The following VWA8 variants were observed in gnomAD, a reference collection of about 807,000 sequenced individuals.
VWA8 encodes the protein von Willebrand factor A domain-containing protein 8.
VWA8 carries 221 observed loss-of-function variants against 241.5 expected under a neutral mutation model. That is an observed-to-expected ratio of 0.91 (90% CI 0.82 to 1.02). The LOEUF (loss-of-function observed/expected upper bound fraction) is 1.02. Ranked by LOEUF, VWA8 falls within the 50% of genes least tolerant of loss-of-function variation. The probability of loss-of-function intolerance (pLI) is 0.00; values close to 1 mark genes in which losing one functional copy is unlikely to be tolerated. For synonymous variants in VWA8, 852 were observed against 827.1 expected, an observed-to-expected ratio of 1.03 and a Z score of -0.52; for missense variants, 2,322 against 2,328.7, an observed-to-expected ratio of 1.00 and a Z score of 0.06.
At position 41,868,503 on chromosome 13, in the gene VWA8, A is replaced by G. The variant is rs376871087; in HGVS notation, c.1081-26T>C. 8.7e-6 allele frequency: 14 copies of G among 1,602,176 alleles called. No individual in the cohort carries two copies. The African/African-American group carries it at 1.9e-4, about 22-fold the overall frequency. ...CTGTAAAATTACAAGAAAATCATGCAATTTACTTTTCATTTTAGCATTAAC... is the reference window on the plus strand; with the variant it reads ...CTGTAAAATTACAAGAAAATCATGCGATTTACTTTTCATTTTAGCATTAAC... On this transcript the variant is annotated intron_variant, in intron 9 of 44. Transcript: ENST00000379310.
intron 36 of VWA8, among the ~76,000 whole-genome samples, chr13:41,673,770 A>G (rs2045041493): frequency 6.6e-6 from 1 of 152,186 alleles, no homozygotes; most frequent in Non-Finnish European, 1.5e-5. Context: ...TTTCCATTGG[A>G]CAGTGCAGCC....
At chr13:41,756,323 T>TAC (rs998623419) in intron 21 of VWA8, among the ~76,000 whole-genome samples, 1 of 151,798 alleles carries the variant, frequency 6.6e-6, no homozygotes, top group Non-Finnish European at 1.5e-5. Context: ...ATACTTGTTA[T>TAC]ATTTCATTGT....
rs1202010768 is a variant in VWA8 at position 41,863,414 on chromosome 13, T to A, written c.1425+2322A>T. On this transcript the variant is annotated intron_variant, in intron 12 of 44. Coordinates refer to ENST00000379310, the MANE Select transcript of VWA8 (RefSeq NM_015058.2). ...TCCTATTTGTGTGTGTGTGTGTGTG[T>A]GTGTGTGTGTGTGTGTGTGTATATA... Among the ~76,000 whole-genome samples the A allele has an allele frequency of 3.0e-4, 23 of 77,088 alleles. 2 individuals are homozygous for A. Among genetic ancestry groups the A allele is most frequent in the African/African-American group, 8.9e-4 (17 of 19,020 alleles). The allele number at this position is 77,088 out of a possible 152,430, so 50.6% of individuals were successfully genotyped here.
chr13:41,689,389 A>C lies in VWA8; in HGVS notation c.4096T>G (p.Tyr1366Asp), dbSNP rs781111359. The C allele has an allele frequency of 1.1e-5, 17 of 1,611,548 alleles. No individual in the cohort carries two copies. Among genetic ancestry groups the C allele is most frequent in the Non-Finnish European group, 6.8e-6 (8 of 1,178,944 alleles). The change falls in exon 34 of 45, where the codon TAT (tyrosine) becomes GAT (aspartate). Residue 1366 changes from tyrosine (Y) to aspartate (D), a missense_variant. Tyr to Asp is a radical substitution (Grantham distance 160, BLOSUM62 -3). Coordinates refer to ENST00000379310, the MANE Select transcript of VWA8 (RefSeq NM_015058.2). ...GGAAAACCAACAACTATTGTAGCAT[A>C]ATTTTTCTCATCTGAGAGAATTCTG... The part of the protein sequence containing the change: ...PNRILSDEKN[Y>D]ATIVVGFPDL...
intron 5 of VWA8, 74 bp from the exon 6 acceptor site, chr13:41,887,435 G>C: frequency 4.8e-6 from 7 of 1,448,518 alleles, no homozygotes; most frequent in Non-Finnish European, 6.5e-6. Context: ...CCAAGTCCAG[G>C]GACTTAGGAC....
chr13:41,671,541 C>A (rs146887389), intron 36 of VWA8, among the ~76,000 whole-genome samples: 1 of 151,966 alleles, frequency 6.6e-6, no homozygotes, highest in Non-Finnish European at 1.5e-5. Context: ...TGCTTGTATC[C>A]GCATCCCCCC....
chr13:41,704,984 CAT>C (rs1440637266), intron 26 of VWA8, among the ~76,000 whole-genome samples: 1 of 152,132 alleles, frequency 6.6e-6, no homozygotes, highest in Non-Finnish European at 1.5e-5. Flanking sequence ...AGTAGTCTGA[CAT>C]AATATTTCCA....
intron 18 of VWA8, 100 bp from the exon 19 acceptor site, chr13:41,784,001 G>T: frequency 1.3e-6 from 1 of 788,970 alleles, no homozygotes; most frequent in Non-Finnish European, 2.1e-6. Context: ...TAATATCTGT[G>T]GATTTTAATT....
At chr13:41,575,987 A>T in intron 42 of VWA8, 149 bp from the exon 43 acceptor site, 1 of 587,586 alleles carries the variant, frequency 1.7e-6, no homozygotes, top group Non-Finnish European at 3.0e-6. Flanking sequence ...AGTGTGTTTA[A>T]TTCTCTAATC....
chr13:41,691,462 C>T lies in VWA8; in HGVS notation c.3741-17G>A. The T allele has an allele frequency of 6.2e-7, 1 of 1,610,326 alleles. No individual in the cohort carries two copies. Among genetic ancestry groups the T allele is most frequent in the South Asian group, 1.1e-5 (1 of 90,792 alleles). ...AGGCTGTTCCTGGAAAAGAAGAAAA[C>T]TGTATCTGAAAGGAAATGGTGAGGA... On this transcript the variant is annotated splice_polypyrimidine_tract_variant and intron_variant, in intron 31 of 44. Coordinates refer to ENST00000379310, the MANE Select transcript of VWA8 (RefSeq NM_015058.2).
intron 12 of VWA8, among the ~76,000 whole-genome samples, chr13:41,854,457 TTTA>T (rs1459601006): frequency 4.0e-5 from 6 of 150,270 alleles, no homozygotes; most frequent in South Asian, 4.2e-4. Context: ...CAAAATATTT[TTTA>T]TTGTTATATT....
At chr13:41,788,903 GC>G (rs1338438060) in intron 17 of VWA8, among the ~76,000 whole-genome samples, 1 of 152,116 alleles carries the variant, frequency 6.6e-6, no homozygotes, top group African/African-American at 2.4e-5. Flanking sequence ...CTTAATGTTG[GC>G]CCTGTGTGGA....
At chr13:41,639,347 G>A (rs1296863875) in intron 37 of VWA8, among the ~76,000 whole-genome samples, 1 of 152,146 alleles carries the variant, frequency 6.6e-6, no homozygotes, top group Non-Finnish European at 1.5e-5. Context: ...TTGAACACAA[G>A]GAAAGCCATT....
chr13:41,810,719 T>C (rs1182145165), intron 17 of VWA8, among the ~76,000 whole-genome samples: 1 of 152,096 alleles, frequency 6.6e-6, no homozygotes, highest in African/African-American at 2.4e-5. Context: ...AAGGTGACTA[T>C]AGTCAACAAT....
At chr13:41,890,328 A>G (rs1317499931) in intron 5 of VWA8, among the ~76,000 whole-genome samples, 1 of 152,252 alleles carries the variant, frequency 6.6e-6, no homozygotes, top group Non-Finnish European at 1.5e-5. Flanking sequence ...AGATTAGCAC[A>G]TATGTATCTC....
intron 16 of VWA8, among the ~76,000 whole-genome samples, chr13:41,816,427 G>A (rs1285143878): frequency 6.6e-6 from 1 of 152,120 alleles, no homozygotes; most frequent in Non-Finnish European, 1.5e-5. Flanking sequence ...CTCAGCATAG[G>A]AGACAGAGGG....
At chr13:41,720,778 T>A (rs955576952) in intron 25 of VWA8, among the ~76,000 whole-genome samples, 2 of 152,184 alleles carry the variant, frequency 1.3e-5, no homozygotes, top group Non-Finnish European at 2.9e-5. Context: ...CAAGAGTTGT[T>A]GGGTTGTGAC....
intron 28 of VWA8, among the ~76,000 whole-genome samples, chr13:41,700,384 G>A (rs2045241827): frequency 6.6e-6 from 1 of 151,908 alleles, no homozygotes; most frequent in Non-Finnish European, 1.5e-5. Flanking sequence ...CAGAAGGACT[G>A]AAAAAGACCT....
chr13:41,692,067 T>G (rs1198565013), intron 30 of VWA8, 129 bp from the exon 31 acceptor site: 2 of 610,626 alleles, frequency 3.3e-6, no homozygotes, highest in Non-Finnish European at 5.9e-6. Flanking sequence ...AAACAAGCTA[T>G]CTATTTATCT....
Sources: allele counts gnomAD v4.1 joint callset (sites outside exome capture counted in the v4.1 genomes callset), GRCh38; gene constraint gnomAD v4.1.1; transcripts MANE v1.5; gene names NCBI Gene and HGNC (gene_info 2026-07-23, HGNC 2026-07-21).